Variants in PGM5 observed in about 807,000 individuals in gnomAD.
PGM5 encodes phosphoglucomutase-like protein 5.
PGM5 carries 23 observed loss-of-function variants against 59.2 expected under a neutral mutation model. That is an observed-to-expected ratio of 0.39 (90% CI 0.28 to 0.55). The LOEUF is 0.55. PGM5 is among the 20% of genes least tolerant of loss of function. PGM5 has a pLI of 0.66. For synonymous variants in PGM5, 214 were observed against 286.0 expected, an observed-to-expected ratio of 0.75 and a Z score of 2.54; for missense variants, 574 against 748.3, an observed-to-expected ratio of 0.77 and a Z score of 2.72.
At chr9:68,431,274 C>T (rs1201148856) in intron 6 of PGM5, among the ~76,000 whole-genome samples, 1 of 152,142 alleles carries the variant, frequency 6.6e-6, no homozygotes, top group Non-Finnish European at 1.5e-5. Flanking sequence ...TTTTCTTTGC[C>T]TCTTGTATTC....
chr9:68,467,920 A>G (rs1823959778), intron 7 of PGM5, among the ~76,000 whole-genome samples: 2 of 152,062 alleles, frequency 1.3e-5, no homozygotes, highest in Non-Finnish European at 2.9e-5. Context: ...TTTTTTTTCC[A>G]AAAACTCTAT....
At chr9:68,420,461 A>G (rs1823109039) in intron 6 of PGM5, among the ~76,000 whole-genome samples, 1 of 152,216 alleles carries the variant, frequency 6.6e-6, no homozygotes, top group Non-Finnish European at 1.5e-5. Context: ...CCAGTTAGAT[A>G]TGGGTATTTA....
intron 6 of PGM5, among the ~76,000 whole-genome samples, chr9:68,404,516 A>G (rs1391984028): frequency 1.3e-5 from 2 of 152,336 alleles, no homozygotes; most frequent in Admixed American, 6.5e-5. Flanking sequence ...AGTAAATAAT[A>G]TGTTAGCAAT....
At chr9:68,378,516 G>A (rs751129970) in intron 2 of PGM5, among the ~76,000 whole-genome samples, 155 bp downstream of exon 2, 16 of 152,108 alleles carry the variant, frequency 1.1e-4, no homozygotes, top group Non-Finnish European at 2.2e-4. Flanking sequence ...ACAAAGAAGT[G>A]GCATGATGGG....
intron 1 of PGM5, among the ~76,000 whole-genome samples, chr9:68,362,892 G>A (rs1367269084): frequency 8.5e-6 from 1 of 117,998 alleles, no homozygotes; most frequent in Admixed American, 9.9e-5. Context: ...TTTTTGAGAT[G>A]GAGTCTTGCT....
At chr9:68,482,509 A>G (rs1238416890) in intron 8 of PGM5, among the ~76,000 whole-genome samples, 1 of 152,210 alleles carries the variant, frequency 6.6e-6, no homozygotes, top group Non-Finnish European at 1.5e-5. Flanking sequence ...CATATTTTGC[A>G]TCTTGGCTAA....
At chr9:68,485,495 C>T (rs1554687480) in intron 9 of PGM5, among the ~76,000 whole-genome samples, 1 of 152,146 alleles carries the variant, frequency 6.6e-6, no homozygotes, top group Non-Finnish European at 1.5e-5. Context: ...AAGGGCACTT[C>T]CCCTGCACAT....
intron 4 of PGM5, among the ~76,000 whole-genome samples, chr9:68,388,891 G>A (rs1822295038): frequency 7.2e-6 from 1 of 139,096 alleles, no homozygotes. Context: ...GGATCTTAGT[G>A]TGGGACTCTA....
At chr9:68,476,187 C>T (rs183711455) in intron 7 of PGM5, among the ~76,000 whole-genome samples, 1 of 152,178 alleles carries the variant, frequency 6.6e-6, no homozygotes, top group East Asian at 1.9e-4. Flanking sequence ...CCCGTCAAAC[C>T]TTTGCTAACC....
intron 9 of PGM5, among the ~76,000 whole-genome samples, chr9:68,492,453 T>C (rs1201309369): frequency 6.6e-6 from 1 of 152,174 alleles, no homozygotes; most frequent in Non-Finnish European, 1.5e-5. Context: ...TTTCCCCAGA[T>C]AGTTCTTTGC....
intron 4 of PGM5, among the ~76,000 whole-genome samples, chr9:68,391,298 A>G (rs1247209786): frequency 6.6e-6 from 1 of 152,158 alleles, no homozygotes; most frequent in African/African-American, 2.4e-5. Flanking sequence ...GAAAAAATTT[A>G]TGGAACTAGA....
intron 6 of PGM5, among the ~76,000 whole-genome samples, chr9:68,407,701 T>C (rs1487309148): frequency 2.6e-5 from 4 of 152,234 alleles, no homozygotes; most frequent in African/African-American, 4.8e-5. Flanking sequence ...GACTTTGTAT[T>C]GCCCACACAT....
intron 2 of PGM5, among the ~76,000 whole-genome samples, chr9:68,380,309 C>T (rs185100686): frequency 4.6e-5 from 7 of 151,922 alleles, no homozygotes; most frequent in Admixed American, 3.9e-4. Context: ...GGAAAATTTA[C>T]AAATATGTGG....
At chr9:68,439,778 A>G (rs1823498977) in intron 6 of PGM5, among the ~76,000 whole-genome samples, 1 of 151,724 alleles carries the variant, frequency 6.6e-6, no homozygotes, top group Non-Finnish European at 1.5e-5. Flanking sequence ...ATAAAGCCCC[A>G]ACTTTATTTC....
intron 6 of PGM5, among the ~76,000 whole-genome samples, chr9:68,461,855 AG>A (rs1554685433): frequency 2.6e-5 from 4 of 152,080 alleles, no homozygotes; most frequent in African/African-American, 9.7e-5. Context: ...GGCAACTTGA[AG>A]TATTCTGACA....
intron 6 of PGM5, among the ~76,000 whole-genome samples, chr9:68,402,132 C>T (rs1238527575): frequency 1.4e-4 from 21 of 152,040 alleles, no homozygotes; most frequent in African/African-American, 4.3e-4. Flanking sequence ...GGTGTGGTGG[C>T]GCAGGCTTGT....
rs530683211 is a variant in PGM5, at chr9:68,514,751, T to C, written c.1615-14816T>C. 3.3e-5 allele frequency among the ~76,000 whole-genome samples: 5 copies of C among 152,320 alleles called. No individual in the cohort carries two copies. In the South Asian group the frequency reaches 8.3e-4, roughly 25 times the overall value. On this transcript the variant is annotated intron_variant, in intron 10 of 10. Coordinates refer to ENST00000396396, the MANE Select transcript of PGM5 (RefSeq NM_021965.4). ...TCTCCACACCAGACAAACCCTCTAA[T>C]GCCAAACTAAATAGGATGCATTTAT...
At chr9:68,469,440 G>T (rs1554686088) in intron 7 of PGM5, among the ~76,000 whole-genome samples, 1 of 152,178 alleles carries the variant, frequency 6.6e-6, no homozygotes, top group Non-Finnish European at 1.5e-5. Context: ...ATCCAGAGCT[G>T]CTGGCATTAG....
intron 9 of PGM5, among the ~76,000 whole-genome samples, chr9:68,490,757 T>A (rs562902159): frequency 1.3e-5 from 2 of 152,242 alleles, no homozygotes; most frequent in Admixed American, 1.3e-4. Context: ...TTTGCTGGAG[T>A]GTGGTTTGCG....
Sources: gnomAD v4.1 joint callset for allele counts (sites outside exome capture counted in the v4.1 genomes callset) on GRCh38, gnomAD v4.1.1 for gene constraint, MANE v1.5 for transcripts, NCBI Gene and HGNC (gene_info 2026-07-23, HGNC 2026-07-21) for gene names.